CCDC102B: variants seen among roughly 807,000 people sequenced by gnomAD.
CCDC102B encodes the protein coiled-coil domain-containing protein 102B.
In CCDC102B, 75 loss-of-function variants were observed where a neutral mutation model predicts 57.4. The ratio of observed to expected loss-of-function variants is 1.31; its 90% confidence interval spans 1.08 to 1.58. CCDC102B has a LOEUF of 1.58. Among genes scored for constraint, CCDC102B ranks in the 40% most tolerant of loss-of-function variants. The probability of loss-of-function intolerance (pLI) is 0.00; values close to 1 mark genes in which losing one functional copy is unlikely to be tolerated. For synonymous variants in CCDC102B, 206 were observed against 201.9 expected (o/e 1.02, Z -0.17); for missense variants, 636 against 582.6 (o/e 1.09, Z -0.94).
intron 6 of CCDC102B, among the ~76,000 whole-genome samples, chr18:68,936,571 G>A (rs188289612): frequency 2.6e-5 from 4 of 151,842 alleles, no homozygotes; most frequent in African/African-American, 4.8e-5. Context: ...TTTTAGAAAC[G>A]GATGATTCCC....
At chr18:68,958,588 C>G (rs2049967487) in intron 6 of CCDC102B, among the ~76,000 whole-genome samples, 1 of 152,094 alleles carries the variant, frequency 6.6e-6, no homozygotes, top group African/African-American at 2.4e-5. Context: ...TTGAATAAAA[C>G]TACTACCTCT....
At chr18:68,792,368 C>T (rs992654376) in intron 2 of CCDC102B, among the ~76,000 whole-genome samples, 1 of 152,186 alleles carries the variant, frequency 6.6e-6, no homozygotes, top group East Asian at 1.9e-4. Context: ...GATGCCAAAA[C>T]AAGACCATGA....
At chr18:68,960,226 G>A (rs1042455314) in intron 6 of CCDC102B, among the ~76,000 whole-genome samples, 1 of 152,166 alleles carries the variant, frequency 6.6e-6, no homozygotes. Flanking sequence ...TGCCAGGACT[G>A]TATCCTTCCC....
At chr18:68,784,433 A>T (rs1376445129) in intron 2 of CCDC102B, among the ~76,000 whole-genome samples, 1 of 151,734 alleles carries the variant, frequency 6.6e-6, no homozygotes. Context: ...TGATCCAGTC[A>T]CCTCCCATCA....
intron 5 of CCDC102B, among the ~76,000 whole-genome samples, chr18:68,876,129 A>G (rs941840466): frequency 1.3e-5 from 2 of 152,234 alleles, no homozygotes; most frequent in African/African-American, 2.4e-5. Flanking sequence ...AACATTGTAC[A>G]ACATGTTGTA....
chr18:68,876,856 A>G (rs956614314), intron 5 of CCDC102B, among the ~76,000 whole-genome samples: 2 of 152,220 alleles, frequency 1.3e-5, no homozygotes, highest in Non-Finnish European at 2.9e-5. Flanking sequence ...ACAGAGAAAT[A>G]TACTTTCTGG....
At chr18:68,971,537 G>T (rs1331010874) in intron 6 of CCDC102B, among the ~76,000 whole-genome samples, 2 of 152,004 alleles carry the variant, frequency 1.3e-5, no homozygotes, top group African/African-American at 4.8e-5. Context: ...TGATTTTTTT[G>T]AGAATGAAGT....
intron 4 of CCDC102B, among the ~76,000 whole-genome samples, chr18:68,849,006 T>C (rs760217766): frequency 1.2e-4 from 18 of 152,156 alleles, no homozygotes; most frequent in Non-Finnish European, 2.2e-4. Context: ...AGTCATCTTT[T>C]TGTGATCATA....
In CCDC102B at chr18:68,838,850, G is replaced by GA. The variant is rs1304958814; in HGVS notation, c.755dup (p.Asn252LysfsTer2). 2 of 1,613,916 alleles carry GA rather than the reference G, an allele frequency of 1.2e-6. No homozygotes were observed. Among genetic ancestry groups the GA allele is most frequent in the Non-Finnish European group, 1.7e-6 (2 of 1,179,920 alleles). On this transcript the variant is annotated frameshift_variant, in exon 3 of 8. Coordinates refer to ENST00000360242, the MANE Select transcript of CCDC102B (RefSeq NM_024781.3). LOFTEE classifies it high-confidence loss of function. ...ACTGAAAGCAATAAATCTGCCTTTG[G>GA]AAAATGAAGTAACTGAAATTTCAGC...
chr18:68,865,454 T>C (rs1312659030), intron 4 of CCDC102B, among the ~76,000 whole-genome samples: 1 of 152,140 alleles, frequency 6.6e-6, no homozygotes, highest in Non-Finnish European at 1.5e-5. Flanking sequence ...TTTGAATAAT[T>C]ACCATCATCA....
chr18:68,777,066 G>A (rs2034845419), intron 2 of CCDC102B, among the ~76,000 whole-genome samples: 1 of 152,070 alleles, frequency 6.6e-6, no homozygotes, highest in African/African-American at 2.4e-5. Flanking sequence ...CAGTTCCGTG[G>A]GGAAATTTTG....
chr18:68,902,903 A>C (rs2040502489), intron 6 of CCDC102B, among the ~76,000 whole-genome samples: 1 of 152,166 alleles, frequency 6.6e-6, no homozygotes, highest in Admixed American at 6.6e-5. Context: ...GAAGGATTGC[A>C]TTATGTTTGT....
At chr18:68,742,138 C>G (rs1361859245) in intron 2 of CCDC102B, among the ~76,000 whole-genome samples, 4 of 152,126 alleles carry the variant, frequency 2.6e-5, no homozygotes, top group Non-Finnish European at 5.9e-5. Flanking sequence ...AAGATGTCTC[C>G]CGGGATGATT....
At chr18:69,006,604 T>G (rs1300244220) in intron 6 of CCDC102B, among the ~76,000 whole-genome samples, 4 of 142,566 alleles carry the variant, frequency 2.8e-5, no homozygotes, top group African/African-American at 1.0e-4. Flanking sequence ...TTTTTTTTTT[T>G]TTTTTTTTTG....
Position 68,831,294 on chromosome 18 carries a change from C to T in CCDC102B, c.-15-5455C>T, listed in dbSNP as rs1599531434. Among the ~76,000 whole-genome samples the T allele has an allele frequency of 2.0e-5, 3 of 152,010 alleles. No individual in the cohort carries two copies. The East Asian group carries it at 5.8e-4, about 29-fold the overall frequency. ...ATAGATTTGCACCAGTGACATATTG[C>T]TTCAATAACACTAGTTAATAGCAAT... On this transcript the variant is annotated intron_variant, in intron 1 of 7. Transcript: ENST00000360242.
chr18:68,824,973 GGAAATAGGTTAATATATGT>G (rs2036849235), intron 1 of CCDC102B, among the ~76,000 whole-genome samples: 1 of 152,124 alleles, frequency 6.6e-6, no homozygotes, highest in African/African-American at 2.4e-5. Context: ...CTGGTAAGAA[GGAAATAGGTTAATATATGT>G]GAAATACTCA....
At chr18:68,839,472 G>A (rs2037528881) in intron 3 of CCDC102B, among the ~76,000 whole-genome samples, 1 of 152,180 alleles carries the variant, frequency 6.6e-6, no homozygotes, top group African/African-American at 2.4e-5. Flanking sequence ...GTGCTGTTAT[G>A]TTCCAGTTAT....
At chr18:68,784,893 T>A (rs994315030) in intron 2 of CCDC102B, among the ~76,000 whole-genome samples, 22 of 152,062 alleles carry the variant, frequency 1.4e-4, no homozygotes, top group African/African-American at 5.3e-4. Context: ...TAGTTACGTA[T>A]GTATACATGT....
At chr18:68,802,782 A>G (rs2035900107) in intron 1 of CCDC102B, among the ~76,000 whole-genome samples, 1 of 152,204 alleles carries the variant, frequency 6.6e-6, no homozygotes, top group South Asian at 2.1e-4. Context: ...TCTTTATCCA[A>G]AACGATATCA....
Sources: allele counts gnomAD v4.1 joint callset (sites outside exome capture counted in the v4.1 genomes callset), GRCh38; gene constraint gnomAD v4.1.1; transcripts MANE v1.5; gene names NCBI Gene and HGNC (gene_info 2026-07-23, HGNC 2026-07-21).